MACC1: variants seen among roughly 807,000 people sequenced by gnomAD.
The protein encoded by MACC1 is metastasis-associated in colon cancer protein 1.
A neutral mutation model predicts 70.7 loss-of-function variants in MACC1; 79 were observed. The observed-to-expected ratio is 1.12, with a 90% CI of 0.93 to 1.35. MACC1 has a LOEUF of 1.35. Ranked by LOEUF, MACC1 falls within the 40% of genes most tolerant of loss-of-function variation. The probability of loss-of-function intolerance (pLI) is 0.00; values close to 1 mark genes in which losing one functional copy is unlikely to be tolerated. For synonymous variants in MACC1, 361 were observed against 347.2 expected (o/e 1.04, Z -0.44); for missense variants, 1,106 against 978.1 (o/e 1.13, Z -1.74).
At chr7:20,141,390 T>C (rs1159487567) in intron 6 of MACC1, among the ~76,000 whole-genome samples, 1 of 152,138 alleles carries the variant, frequency 6.6e-6, no homozygotes, top group Non-Finnish European at 1.5e-5. Context: ...AAATAGGGCC[T>C]TTTTTCCCTT....
Position 20,136,789 on chromosome 7 carries a change from A to G in MACC1, c.*4157T>C, listed in dbSNP as rs1781723042. 1 of 151,542 alleles carries G rather than the reference A, an allele frequency of 6.6e-6. No homozygotes were observed. The highest frequency in any genetic ancestry group is 2.4e-5 in the African/African-American group (1 of 41,344). The allele number at this position is 151,542 out of a possible 1,614,324, so 9.4% of individuals were successfully genotyped here. Reference sequence around the variant, plus strand: ...GGACTTACTTCTCCTCCTTGCGATTATTATTGCGATTAAGGATTATTATTA... The same window carrying G: ...GGACTTACTTCTCCTCCTTGCGATTGTTATTGCGATTAAGGATTATTATTA... On this transcript the variant is annotated 3_prime_UTR_variant, in exon 7 of 7. Transcript: ENST00000400331.
chr7:20,173,027 A>G (rs1198875776), intron 1 of MACC1, among the ~76,000 whole-genome samples: 2 of 152,204 alleles, frequency 1.3e-5, no homozygotes, highest in East Asian at 3.8e-4. Context: ...TAAACAGTTT[A>G]GTATAAAATT....
chr7:20,170,290 T>A (rs1038605614), intron 2 of MACC1: 1 of 152,350 alleles, frequency 6.6e-6, no homozygotes, highest in African/African-American at 2.4e-5. Flanking sequence ...AAAGCTTTTT[T>A]AAAAAATTGT....
Position 20,159,693 on chromosome 7 carries a change from C to T in MACC1, c.668G>A (p.Gly223Glu). 2 of 1,614,118 alleles carry T rather than the reference C, an allele frequency of 1.2e-6. No homozygotes were observed. The highest frequency in any genetic ancestry group is 1.7e-6 in the Non-Finnish European group (2 of 1,180,030). Residue 223 changes from glycine to glutamate, a missense_variant, in exon 5 of 7, where the codon GGG (glycine) becomes GAG (glutamate). Gly to Glu is a moderately conservative substitution (Grantham distance 98). Transcript: ENST00000400331. ...TIACKVNHQG[G>E]SVQLPESDIT... ...GTCTGATTCAGGTAATTGTACTGACCCTCCTTGATGGTTTACTTTGCAAGC... is the reference window on the plus strand; with the variant it reads ...GTCTGATTCAGGTAATTGTACTGACTCTCCTTGATGGTTTACTTTGCAAGC...
chr7:20,158,348 C>T lies in MACC1; in HGVS notation c.2013G>A (p.Leu671=), dbSNP rs1336615164. ...CTTCCAGGGACAGATGTGAGTAACC[C>T]AGGACATCAGCTAAAACTTTCCAAT... is the stretch of plus-strand genomic sequence containing the variant. ...VYDWKVLADV[L]GYSHLSLEDF... is the part of the protein sequence containing the mutation. The change falls in exon 5 of 7, where the codon CTG becomes CTA. Residue 671 remains leucine, a synonymous_variant. Coordinates refer to ENST00000400331, the MANE Select transcript of MACC1 (RefSeq NM_182762.4). 1 of 1,613,858 alleles carries T rather than the reference C, an allele frequency of 6.2e-7. No homozygotes were observed. Among genetic ancestry groups the T allele is most frequent in the African/African-American group, 1.3e-5 (1 of 75,032 alleles).
chr7:20,166,970 A>C (rs1782229744), intron 2 of MACC1, among the ~76,000 whole-genome samples: 1 of 152,204 alleles, frequency 6.6e-6, no homozygotes, highest in Non-Finnish European at 1.5e-5. Flanking sequence ...CATATCCAGA[A>C]ATCTAGATCT....
At chr7:20,201,565 C>T (rs1298507916) in intron 1 of MACC1, among the ~76,000 whole-genome samples, 1 of 152,108 alleles carries the variant, frequency 6.6e-6, no homozygotes, top group African/African-American at 2.4e-5. Flanking sequence ...GAACTTTAGC[C>T]TAAAGAAGAC....
rs1781757520 is a variant in MACC1 at position 20,138,895 on chromosome 7, A to G, written c.*2051T>C. 6.6e-6 allele frequency: 1 copy of G among 152,306 alleles called. No homozygotes were observed. Among genetic ancestry groups the G allele is most frequent in the African/African-American group, 2.4e-5 (1 of 41,532 alleles). 9.4% of individuals were successfully genotyped at this position (152,306 alleles called of 1,614,324 possible). A position where few individuals can be genotyped will look rare whatever the true frequency, so the allele number is the denominator to read the frequency against. ...CACCGCGTTAGCCAGGATGGTCTCG[A>G]TCTCCTGACCTAGTGATCTGCCCGC... On this transcript the variant is annotated 3_prime_UTR_variant, in exon 7 of 7. Transcript: ENST00000400331.
chr7:20,158,042 T>C (rs1204533215), intron 5 of MACC1, among the ~76,000 whole-genome samples, 162 bp downstream of exon 5: 5 of 152,222 alleles, frequency 3.3e-5, no homozygotes, highest in Admixed American at 6.5e-5. Flanking sequence ...AAACCAGTTT[T>C]ATGATCATGT....
rs901173251 is a variant in MACC1 at position 20,161,956 on chromosome 7, T to A, written c.-8-86A>T. 6.3e-5 allele frequency: 50 copies of A among 787,624 alleles called. No individual in the cohort carries two copies. In the South Asian group the frequency reaches 6.7e-4, roughly 10 times the overall value. 48.8% of individuals were successfully genotyped at this position (787,624 alleles called of 1,614,324 possible). ...TAAACTCAAAGACATCATACGTATTTCTATAAAGAACTACATGTGAAAATC... is the reference window on the plus strand; with the variant it reads ...TAAACTCAAAGACATCATACGTATTACTATAAAGAACTACATGTGAAAATC... On this transcript the variant is annotated intron_variant, in intron 3 of 6. Transcript: ENST00000400331.
At chr7:20,164,648 A>C (rs1485545111) in intron 2 of MACC1, among the ~76,000 whole-genome samples, 1 of 152,176 alleles carries the variant, frequency 6.6e-6, no homozygotes, top group Non-Finnish European at 1.5e-5. Context: ...GTTGCACGGA[A>C]ACCTCAAATT....
In MACC1 at chr7:20,158,214, T is replaced by A; in HGVS notation, c.2147A>T (p.Glu716Val). 6.3e-7 allele frequency: 1 copy of A among 1,574,816 alleles called. No homozygotes were observed. Among genetic ancestry groups the A allele is most frequent in the Non-Finnish European group, 8.6e-7 (1 of 1,166,908 alleles). ...TERNTRKFLY[E>V]LIVALLKMDC... ...TCAAGCAATACTCACCACAATAAGT[T>A]CATACAGAAACTTCCTTGTATTTCT... Residue 716 changes from glutamate (E) to valine (V), a missense_variant, in exon 5 of 7, where the codon GAA becomes GTA. By Grantham distance (121) the Glu-to-Val change is moderately radical. Transcript: ENST00000400331.
chr7:20,167,170 C>T (rs1782233377), intron 2 of MACC1, among the ~76,000 whole-genome samples: 1 of 151,882 alleles, frequency 6.6e-6, no homozygotes, highest in East Asian at 1.9e-4. Context: ...TTGGCTCTAC[C>T]ATCATCCTTA....
At position 20,158,308 on chromosome 7, in the gene MACC1, G is replaced by C; in HGVS notation, c.2053C>G (p.Gln685Glu). Residue 685 changes from glutamine (Q) to glutamate (E), a missense_variant, in exon 5 of 7, where the codon CAA becomes GAA. Gln to Glu is a conservative substitution (Grantham distance 29). Coordinates refer to ENST00000400331, the MANE Select transcript of MACC1 (RefSeq NM_182762.4). ...ACTTTCTCTGATTCTTTGTCTGCTT[G>C]AATTTGATCAAAATCTTCCAGGGAC... Reference protein sequence around the residue: ...HLSLEDFDQIQADKESEKVSY... With the variant: ...HLSLEDFDQIEADKESEKVSY... The C allele has an allele frequency of 6.2e-7, 1 of 1,613,558 alleles. No homozygotes were observed. Among genetic ancestry groups the C allele is most frequent in the Non-Finnish European group, 8.5e-7 (1 of 1,179,944 alleles).
At chr7:20,188,481 A>G (rs1410887055) in intron 1 of MACC1, among the ~76,000 whole-genome samples, 1 of 152,172 alleles carries the variant, frequency 6.6e-6, no homozygotes, top group Non-Finnish European at 1.5e-5. Context: ...CACCTTTTCT[A>G]TAAGCATAAA....
At chr7:20,196,282 G>A (rs537128479) in intron 1 of MACC1, among the ~76,000 whole-genome samples, 1 of 152,056 alleles carries the variant, frequency 6.6e-6, no homozygotes, top group Non-Finnish European at 1.5e-5. Flanking sequence ...CTGGGTTCAC[G>A]CCATTCTCCT....
At position 20,137,079 on chromosome 7, in the gene MACC1, CTT is replaced by C. The variant is rs913349418; in HGVS notation, c.*3865_*3866del. ...CAGTGACATCATTGTTCATTATTCT[CTT>C]TTTCTTTTATATTACCTCAAAAATT... On this transcript the variant is annotated 3_prime_UTR_variant, in exon 7 of 7. Transcript: ENST00000400331. 2.6e-5 allele frequency: 4 copies of C among 151,812 alleles called. No individual in the cohort carries two copies. Among genetic ancestry groups the C allele is most frequent in the Non-Finnish European group, 5.9e-5 (4 of 67,896 alleles). 9.4% of individuals were successfully genotyped at this position (151,812 alleles called of 1,614,324 possible). A position where few individuals can be genotyped will look rare whatever the true frequency, so the allele number is the denominator to read the frequency against.
rs770118195 is a variant in MACC1 at position 20,159,288 on chromosome 7, G to A, written c.1073C>T (p.Pro358Leu). ...GATATAATCCCAAATGGTGGCAGCT[G>A]GTGACGGAAGAGCTTTAGCTTGTGC... is the stretch of plus-strand genomic sequence containing the variant. ...VAAQAKALPS[P>L]AATIWDYIHK... Residue 358 changes from proline to leucine, a missense_variant, in exon 5 of 7, where the codon CCA becomes CTA. Pro to Leu is a moderately conservative substitution (Grantham distance 98). Transcript: ENST00000400331. 2.9e-5 allele frequency: 47 copies of A among 1,613,940 alleles called. No individual in the cohort carries two copies. Among genetic ancestry groups the A allele is most frequent in the Middle Eastern group, 3.3e-4 (2 of 6,080 alleles).
At chr7:20,183,993 C>A (rs375683898) in intron 1 of MACC1, among the ~76,000 whole-genome samples, 1 of 152,152 alleles carries the variant, frequency 6.6e-6, no homozygotes, top group African/African-American at 2.4e-5. Context: ...CAGGCATGAG[C>A]CACCACACCT....
Sources: allele counts gnomAD v4.1 joint callset (sites outside exome capture counted in the v4.1 genomes callset), GRCh38; gene constraint gnomAD v4.1.1; transcripts MANE v1.5; gene names NCBI Gene and HGNC (gene_info 2026-07-23, HGNC 2026-07-21).